Variants in GLIS3 observed in about 807,000 individuals in gnomAD.
The protein encoded by GLIS3 is GLIS family zinc finger 3, also known as zinc finger protein GLIS3.
In GLIS3, 53 loss-of-function variants were observed where a neutral mutation model predicts 78.6. That is an observed-to-expected ratio of 0.67 (90% CI 0.54 to 0.85). GLIS3 has a LOEUF of 0.85. Among genes scored for constraint, GLIS3 ranks in the 40% least tolerant of loss-of-function variants. The pLI, the probability that GLIS3 is intolerant of heterozygous loss-of-function variation, is 0.00. For missense variants in GLIS3, 1,703 were observed against 1,231.1 expected (o/e 1.38, Z -5.74); for synonymous variants, 684 against 509.9 (o/e 1.34, Z -4.60).
chr9:3,878,887 A>G, intron 8 of GLIS3: 1 of 159,910 alleles, frequency 6.3e-6, no homozygotes, highest in Admixed American at 5.8e-5. Context: ...GGGAAACAGA[A>G]GTATGAAGGG....
chr9:4,446,498 A>G, the GLIS3 span, among the ~76,000 whole-genome samples: 1 of 148,798 alleles, frequency 6.7e-6, no homozygotes, highest in Non-Finnish European at 1.5e-5. Context: ...GCAGGAAAAT[A>G]TCCAAATTTT....
At chr9:4,364,169 A>G in the GLIS3 span, among the ~76,000 whole-genome samples, 3 of 152,210 alleles carry the variant, frequency 2.0e-5, no homozygotes, top group African/African-American at 7.2e-5. Context: ...ATACTTAATA[A>G]TTTTCATTTG....
the GLIS3 span, among the ~76,000 whole-genome samples, chr9:4,411,207 T>A: frequency 2.0e-5 from 3 of 152,210 alleles, no homozygotes; most frequent in African/African-American, 7.2e-5. Context: ...CACTCACACT[T>A]TTTCTCAATT....
At chr9:4,199,985 A>G (rs1563744107) in intron 2 of GLIS3, among the ~76,000 whole-genome samples, 2 of 152,240 alleles carry the variant, frequency 1.3e-5, no homozygotes, top group Non-Finnish European at 2.9e-5. Context: ...GAATAAAAAC[A>G]GAAATCAATA....
intron 4 of GLIS3, among the ~76,000 whole-genome samples, chr9:4,058,897 G>C (rs1040992544): frequency 3.3e-5 from 5 of 151,542 alleles, no homozygotes; most frequent in African/African-American, 1.2e-4. Flanking sequence ...CAGGAGAATG[G>C]AATGAACCCA....
chr9:3,891,076 AAAAAAGAAGAAGAAG>A, intron 7 of GLIS3, among the ~76,000 whole-genome samples: 1 of 148,050 alleles, frequency 6.8e-6, no homozygotes, highest in East Asian at 2.0e-4. Flanking sequence ...CAAAAAAAAA[AAAAAAGAAGAAGAAG>A]AAAGTAGGAG....
At chr9:4,252,583 T>A (rs908280314) in intron 2 of GLIS3, among the ~76,000 whole-genome samples, 7 of 152,138 alleles carry the variant, frequency 4.6e-5, no homozygotes, top group African/African-American at 9.6e-5. Context: ...GAGTTTGTTA[T>A]TAGCCACCTT....
At chr9:4,183,977 G>A (rs368857374) in intron 2 of GLIS3, among the ~76,000 whole-genome samples, 1 of 152,130 alleles carries the variant, frequency 6.6e-6, no homozygotes, top group Non-Finnish European at 1.5e-5. Flanking sequence ...TTAAATTCAT[G>A]TGACAAATTT....
At chr9:4,239,098 T>G (rs971675001) in intron 2 of GLIS3, among the ~76,000 whole-genome samples, 2 of 146,050 alleles carry the variant, frequency 1.4e-5, no homozygotes, top group African/African-American at 2.5e-5. Context: ...TGTTGGACAT[T>G]TGGGTTGGTT....
At chr9:4,030,018 C>G (rs1187775545) in intron 4 of GLIS3, among the ~76,000 whole-genome samples, 2 of 152,124 alleles carry the variant, frequency 1.3e-5, no homozygotes, top group South Asian at 4.1e-4. Context: ...TGAGGAATCT[C>G]CAAACTGTTC....
intron 4 of GLIS3, among the ~76,000 whole-genome samples, chr9:3,964,539 T>C (rs1456084274): frequency 6.6e-6 from 1 of 152,230 alleles, no homozygotes; most frequent in African/African-American, 2.4e-5. Flanking sequence ...TTAAATCTGA[T>C]GTTCTGAAGA....
chr9:4,207,840 G>T (rs1416432952), intron 2 of GLIS3, among the ~76,000 whole-genome samples: 1 of 152,156 alleles, frequency 6.6e-6, no homozygotes, highest in African/African-American at 2.4e-5. Flanking sequence ...AAAAAGCAAA[G>T]GGAATGATCT....
intron 5 of GLIS3, chr9:3,932,751 T>G: frequency 6.9e-6 from 3 of 432,600 alleles, no homozygotes; most frequent in South Asian, 5.5e-5. Context: ...TTGGGGCATT[T>G]TTTAATGTGG....
intron 6 of GLIS3, among the ~76,000 whole-genome samples, chr9:3,924,114 G>T (rs1039950552): frequency 6.6e-6 from 1 of 152,176 alleles, no homozygotes; most frequent in African/African-American, 2.4e-5. Context: ...CTCTAGCTTC[G>T]ATTCCAGCTT....
At chr9:3,956,425 C>T (rs902194696) in intron 4 of GLIS3, among the ~76,000 whole-genome samples, 2 of 152,184 alleles carry the variant, frequency 1.3e-5, no homozygotes, top group African/African-American at 4.8e-5. Flanking sequence ...CACCATGGAA[C>T]AGGCTTTGAT....
At chr9:4,263,437 G>A (rs1158596693) in intron 2 of GLIS3, among the ~76,000 whole-genome samples, 2 of 151,934 alleles carry the variant, frequency 1.3e-5, no homozygotes, top group Non-Finnish European at 2.9e-5. Flanking sequence ...ATGTTTTATT[G>A]ATAATCATAT....
chr9:4,093,604 T>C (rs944866699), intron 4 of GLIS3, among the ~76,000 whole-genome samples: 3 of 152,182 alleles, frequency 2.0e-5, no homozygotes, highest in African/African-American at 4.8e-5. Context: ...CTTGGCCTTC[T>C]AGTGGTATGA....
the GLIS3 span, among the ~76,000 whole-genome samples, chr9:4,417,126 A>T: frequency 6.6e-6 from 1 of 152,130 alleles, no homozygotes; most frequent in African/African-American, 2.4e-5. Context: ...CTATTAGTAA[A>T]CTGAATAACA....
chr9:4,361,464 T>C, the GLIS3 span, among the ~76,000 whole-genome samples: 1 of 152,216 alleles, frequency 6.6e-6, no homozygotes, highest in East Asian at 1.9e-4. Flanking sequence ...ACAGTTCATA[T>C]AAATACAATA....
Sources: gnomAD v4.1 joint callset for allele counts (sites outside exome capture counted in the v4.1 genomes callset) on GRCh38, gnomAD v4.1.1 for gene constraint, MANE v1.5 for transcripts, NCBI Gene and HGNC (gene_info 2026-07-23, HGNC 2026-07-21) for gene names.